Variants in MOXD1 observed in about 807,000 individuals in gnomAD.
MOXD1 encodes monooxygenase DBH like 1.
Under a neutral mutation model 66.6 loss-of-function variants are expected in MOXD1, and 62 were observed. That is an observed-to-expected ratio of 0.93 (90% confidence interval 0.76 to 1.15). MOXD1 has a LOEUF of 1.15. Ranked by LOEUF, MOXD1 falls within the 50% of genes most tolerant of loss-of-function variation. MOXD1 has a pLI of 0.00. For synonymous variants in MOXD1, 303 were observed against 281.9 expected, an observed-to-expected ratio of 1.07 and a Z score of -0.75; for missense variants, 847 against 754.6, an observed-to-expected ratio of 1.12 and a Z score of -1.44.
chr6:132,381,655 ACAGT>A (rs1042354352), intron 1 of MOXD1, among the ~76,000 whole-genome samples: 14 of 152,182 alleles, frequency 9.2e-5, no homozygotes, highest in African/African-American at 3.4e-4. Flanking sequence ...AAGTCTCCTG[ACAGT>A]CTGACAAAGG....
chr6:132,305,531 G>A (rs989926991), intron 10 of MOXD1, among the ~76,000 whole-genome samples: 1 of 152,234 alleles, frequency 6.6e-6, no homozygotes, highest in African/African-American at 2.4e-5. Context: ...TTTGTAAAAT[G>A]AGTCCTGTTC....
chr6:132,361,245 C>T (rs909943085), intron 4 of MOXD1, among the ~76,000 whole-genome samples: 1 of 151,686 alleles, frequency 6.6e-6, no homozygotes, highest in Non-Finnish European at 1.5e-5. Context: ...ATTACCCCTT[C>T]TATCTGAATT....
chr6:132,363,531 A>C (rs539849691), intron 4 of MOXD1, among the ~76,000 whole-genome samples: 273 of 152,310 alleles, frequency 1.8e-3, no homozygotes, highest in Non-Finnish European at 3.1e-3. Context: ...GCCTGGATAG[A>C]TATTTAGAAG....
rs1343479950 is a variant in MOXD1 at position 132,320,656 on chromosome 6, G to A, written c.1338C>T (p.Asn446=). 1 of 1,610,664 alleles carries A rather than the reference G, an allele frequency of 6.2e-7. No individual in the cohort carries two copies. The highest frequency in any genetic ancestry group is 8.5e-7 in the Non-Finnish European group (1 of 1,178,306). The part of the protein sequence containing the change: ...GDNLITECRY[N]TKDRAEMTWG... ...AAGTCATCTCAGCTCTATCTTTCGT[G>A]TTGTAGCGACACTCAGTAATTAGGT... The change falls in exon 9 of 12, where the codon AAC becomes AAT. Residue 446 remains asparagine, a synonymous_variant. Transcript: ENST00000367963.
In MOXD1 at chr6:132,323,990, G is replaced by T. The variant is rs758141808; in HGVS notation, c.1054C>A (p.Pro352Thr). The T allele has an allele frequency of 2.5e-6, 4 of 1,613,802 alleles. No homozygotes were observed. Among genetic ancestry groups the T allele is most frequent in the Non-Finnish European group, 3.4e-6 (4 of 1,179,950 alleles). The change falls in exon 7 of 12, where the codon CCT (proline) becomes ACT (threonine). Residue 352 changes from proline (P) to threonine (T), a missense_variant. By Grantham distance (38) the Pro-to-Thr change is conservative. Transcript: ENST00000367963. Reference protein sequence around the residue: ...GLWVSLFHTIPPGMPEFQSEG... With the variant: ...GLWVSLFHTITPGMPEFQSEG... ...GACTGGAACTCAGGCATCCCTGGAG[G>T]GATGGTATGGAAGAGGCTCACCCAG... is the stretch of plus-strand genomic sequence containing the variant.
At chr6:132,331,531 A>G (rs1300858755) in intron 4 of MOXD1, among the ~76,000 whole-genome samples, 1 of 152,156 alleles carries the variant, frequency 6.6e-6, no homozygotes, top group African/African-American at 2.4e-5. Context: ...TGCTAAAACT[A>G]ACACCAAACT....
intron 1 of MOXD1, among the ~76,000 whole-genome samples, chr6:132,378,729 T>G (rs970298506): frequency 5.3e-5 from 8 of 152,070 alleles, no homozygotes; most frequent in African/African-American, 1.2e-4. Flanking sequence ...TGAATAGCTT[T>G]ATAATCTACT....
chr6:132,297,346 T>C lies in MOXD1; in HGVS notation c.1678-29A>G, dbSNP rs1306087401. 8 of 1,607,178 alleles carry C rather than the reference T, an allele frequency of 5.0e-6. No homozygotes were observed. In the South Asian group the frequency reaches 6.7e-5, roughly 13 times the overall value. ...AAAATGGAAGCACAAACAATGCAAA[T>C]GAACATCTGATTTAAGGCAGCACAG... On this transcript the variant is annotated intron_variant, in intron 11 of 11. Coordinates refer to ENST00000367963, the MANE Select transcript of MOXD1 (RefSeq NM_015529.4).
intron 4 of MOXD1, among the ~76,000 whole-genome samples, chr6:132,351,917 A>G (rs1477643083): frequency 6.6e-6 from 1 of 152,092 alleles, no homozygotes; most frequent in Non-Finnish European, 1.5e-5. Context: ...GTTTATGTGT[A>G]TAAAGGTGTT....
chr6:132,340,828 A>G (rs1343037431), intron 4 of MOXD1, among the ~76,000 whole-genome samples: 3 of 151,530 alleles, frequency 2.0e-5, no homozygotes, highest in Non-Finnish European at 2.9e-5. Flanking sequence ...TTGTATTTTT[A>G]GTAGAGACGG....
At chr6:132,399,233 A>C (rs1000447851) in intron 1 of MOXD1, among the ~76,000 whole-genome samples, 1 of 152,214 alleles carries the variant, frequency 6.6e-6, no homozygotes, top group Non-Finnish European at 1.5e-5. Flanking sequence ...AAATGAGTAG[A>C]ATGTTTATGG....
At chr6:132,400,957 T>G (rs1392445210) in intron 1 of MOXD1, among the ~76,000 whole-genome samples, 1 of 152,204 alleles carries the variant, frequency 6.6e-6, no homozygotes, top group Non-Finnish European at 1.5e-5. Context: ...GGGTCATCCG[T>G]GCTCGGCTTC....
intron 7 of MOXD1, 92 bp from the exon 8 acceptor site, chr6:132,322,962 TAAAAA>T: frequency 1.8e-6 from 2 of 1,114,644 alleles, no homozygotes; most frequent in Non-Finnish European, 2.5e-6. Flanking sequence ...ACAACTGAGA[TAAAAA>T]GCTAAAGCAA....
intron 6 of MOXD1, 120 bp downstream of exon 6, chr6:132,327,893 A>T (rs976751348): frequency 1.1e-5 from 8 of 717,424 alleles, no homozygotes; most frequent in Admixed American, 2.6e-5. Flanking sequence ...TTGAATGACA[A>T]ATATATAGGT....
chr6:132,374,055 T>C (rs1182381047), intron 2 of MOXD1, among the ~76,000 whole-genome samples: 3 of 152,210 alleles, frequency 2.0e-5, no homozygotes, highest in African/African-American at 7.2e-5. Flanking sequence ...ATAAAATTAA[T>C]CCAAACAATT....
At chr6:132,300,944 C>T (rs969408968) in intron 10 of MOXD1, among the ~76,000 whole-genome samples, 4 of 152,086 alleles carry the variant, frequency 2.6e-5, no homozygotes, top group Admixed American at 1.3e-4. Context: ...CCTTTCTAGC[C>T]TATCCTACAC....
At chr6:132,309,030 C>A (rs1774761539) in intron 10 of MOXD1, among the ~76,000 whole-genome samples, 1 of 152,026 alleles carries the variant, frequency 6.6e-6, no homozygotes, top group South Asian at 2.1e-4. Context: ...GGCAATCAGG[C>A]AATAGAAAGA....
chr6:132,376,415 T>C (rs2046615120), intron 1 of MOXD1, among the ~76,000 whole-genome samples: 1 of 152,138 alleles, frequency 6.6e-6, no homozygotes, highest in Admixed American at 6.5e-5. Flanking sequence ...ACATCTAGAT[T>C]TTCTTTAGTA....
At chr6:132,387,998 T>C (rs1776687142) in intron 1 of MOXD1, among the ~76,000 whole-genome samples, 2 of 151,294 alleles carry the variant, frequency 1.3e-5, no homozygotes. Context: ...TAGTCATTAA[T>C]GATTACAAGG....
Sources: allele counts gnomAD v4.1 joint callset (sites outside exome capture counted in the v4.1 genomes callset), GRCh38; gene constraint gnomAD v4.1.1; transcripts MANE v1.5; gene names NCBI Gene and HGNC (gene_info 2026-07-23, HGNC 2026-07-21).